LRRC4C: variants seen among roughly 807,000 people sequenced by gnomAD.
The protein encoded by LRRC4C is leucine rich repeat containing 4C.
A neutral mutation model predicts 33.6 loss-of-function variants in LRRC4C; 5 were observed. The ratio of observed to expected loss-of-function variants is 0.15; its 90% CI spans 0.08 to 0.31. The LOEUF (loss-of-function observed/expected upper bound fraction) is 0.31, where lower values mean the gene tolerates loss of function less well. LRRC4C is among the 10% of genes least tolerant of loss of function. The pLI is 1.00. For synonymous variants in LRRC4C, 329 were observed against 302.0 expected, an observed-to-expected ratio of 1.09 and a Z score of -0.93; for missense variants, 560 against 796.7, an observed-to-expected ratio of 0.70 and a Z score of 3.58.
chr11:40,990,843 A>AT (rs1274120434), intron 1 of LRRC4C, among the ~76,000 whole-genome samples: 6 of 152,040 alleles, frequency 3.9e-5, no homozygotes, highest in Admixed American at 1.3e-4. Flanking sequence ...TTGAATATAC[A>AT]TTTTTTTAAG....
intron 3 of LRRC4C, among the ~76,000 whole-genome samples, chr11:40,507,695 A>C (rs1955100068): frequency 6.6e-6 from 1 of 151,972 alleles, no homozygotes; most frequent in South Asian, 2.1e-4. Context: ...TGGCAACTAT[A>C]CTGGAGAAAA....
At chr11:40,502,932 A>C (rs568336230) in intron 3 of LRRC4C, among the ~76,000 whole-genome samples, 1 of 152,292 alleles carries the variant, frequency 6.6e-6, no homozygotes, top group African/African-American at 2.4e-5. Flanking sequence ...TGGCAAAGTG[A>C]ATATTAGAAA....
intron 5 of LRRC4C, among the ~76,000 whole-genome samples, chr11:40,182,681 A>G (rs1287612970): frequency 6.6e-6 from 1 of 152,138 alleles, no homozygotes; most frequent in Non-Finnish European, 1.5e-5. Flanking sequence ...ACACACAAAA[A>G]CCTACAAATA....
intron 4 of LRRC4C, among the ~76,000 whole-genome samples, chr11:40,303,771 T>A (rs1200388354): frequency 6.6e-6 from 1 of 152,176 alleles, no homozygotes; most frequent in Non-Finnish European, 1.5e-5. Flanking sequence ...ATAAAAAGTG[T>A]TAAACTCTGG....
chr11:41,258,828 T>C (rs1948885437), intron 1 of LRRC4C, among the ~76,000 whole-genome samples: 1 of 152,046 alleles, frequency 6.6e-6, no homozygotes, highest in Non-Finnish European at 1.5e-5. Flanking sequence ...GCCCTGATAT[T>C]AGACAATGTC....
intron 1 of LRRC4C, among the ~76,000 whole-genome samples, chr11:41,319,655 A>G (rs1950897586): frequency 6.6e-6 from 1 of 151,806 alleles, no homozygotes; most frequent in Non-Finnish European, 1.5e-5. Context: ...CAATCCTCCC[A>G]CCTCCCAGGG....
chr11:41,317,022 G>A (rs934755985), intron 1 of LRRC4C, among the ~76,000 whole-genome samples: 1 of 152,154 alleles, frequency 6.6e-6, no homozygotes, highest in Non-Finnish European at 1.5e-5. Flanking sequence ...TCCTGCAAAG[G>A]AGCCAACAGT....
At position 41,202,383 on chromosome 11, in the gene LRRC4C, A is replaced by C. The variant is rs553545656; in HGVS notation, c.-496+257048T>G. Among the ~76,000 whole-genome samples the C allele has an allele frequency of 5.3e-5, 8 of 152,312 alleles. No individual in the cohort carries two copies. In the South Asian group the frequency reaches 1.7e-3, roughly 32 times the overall value. Reference sequence around the variant, plus strand: ...AAAGGGGAGTTAATTCAGCTGCTCCATCCAAAGTTTAACCCCAAACCTGAA... The same window carrying C: ...AAAGGGGAGTTAATTCAGCTGCTCCCTCCAAAGTTTAACCCCAAACCTGAA... On this transcript the variant is annotated intron_variant, in intron 1 of 6. Coordinates refer to ENST00000528697, the MANE Select transcript of LRRC4C (RefSeq NM_001258419.2).
intron 5 of LRRC4C, among the ~76,000 whole-genome samples, chr11:40,240,740 C>T (rs1262815802): frequency 1.3e-5 from 2 of 151,992 alleles, no homozygotes; most frequent in African/African-American, 4.8e-5. Context: ...TTTAATTGGC[C>T]TTAGTCATTT....
chr11:40,856,378 T>C (rs1435182442), intron 2 of LRRC4C, among the ~76,000 whole-genome samples: 2 of 152,202 alleles, frequency 1.3e-5, no homozygotes, highest in Non-Finnish European at 2.9e-5. Context: ...TATAAAATGT[T>C]GTGGAAGTAC....
At chr11:41,105,456 T>G (rs1941439916) in intron 1 of LRRC4C, among the ~76,000 whole-genome samples, 1 of 152,008 alleles carries the variant, frequency 6.6e-6, no homozygotes, top group Non-Finnish European at 1.5e-5. Context: ...GTCTATAAGC[T>G]CTCCAAGAGC....
intron 3 of LRRC4C, among the ~76,000 whole-genome samples, chr11:40,342,621 C>T (rs1472553784): frequency 6.6e-6 from 1 of 152,068 alleles, no homozygotes; most frequent in Non-Finnish European, 1.5e-5. Context: ...AAAAATTATA[C>T]AACATAACTA....
chr11:40,749,835 C>T (rs924814746), intron 2 of LRRC4C, among the ~76,000 whole-genome samples: 6 of 151,842 alleles, frequency 4.0e-5, no homozygotes, highest in Non-Finnish European at 7.4e-5. Context: ...TACAGAAGAC[C>T]ATCAGAGACA....
chr11:41,392,910 G>T (rs986916213), intron 1 of LRRC4C, among the ~76,000 whole-genome samples: 2 of 151,820 alleles, frequency 1.3e-5, no homozygotes, highest in African/African-American at 4.8e-5. Flanking sequence ...CAAACTGTAG[G>T]AGAATAAATT....
At chr11:40,921,392 G>A (rs1459070230) in intron 2 of LRRC4C, among the ~76,000 whole-genome samples, 1 of 152,118 alleles carries the variant, frequency 6.6e-6, no homozygotes, top group Non-Finnish European at 1.5e-5. Context: ...TAGAAGCTGA[G>A]AATGACCTTC....
At chr11:40,367,805 T>C (rs561279107) in intron 3 of LRRC4C, among the ~76,000 whole-genome samples, 1 of 152,290 alleles carries the variant, frequency 6.6e-6, no homozygotes, top group East Asian at 1.9e-4. Context: ...AGTTATCTTC[T>C]AGCTTATTAT....
intron 1 of LRRC4C, among the ~76,000 whole-genome samples, chr11:41,181,099 C>G (rs1411144677): frequency 6.6e-6 from 1 of 152,108 alleles, no homozygotes; most frequent in African/African-American, 2.4e-5. Context: ...TTTTCTTATT[C>G]AGTGAGTGAA....
chr11:40,534,254 G>A (rs1435921769), intron 3 of LRRC4C, among the ~76,000 whole-genome samples: 1 of 151,878 alleles, frequency 6.6e-6, no homozygotes, highest in Non-Finnish European at 1.5e-5. Context: ...TGCTACCATT[G>A]TTACTATAAT....
chr11:40,937,646 G>T (rs1401115445), intron 1 of LRRC4C, among the ~76,000 whole-genome samples: 1 of 108,958 alleles, frequency 9.2e-6, no homozygotes, highest in African/African-American at 3.8e-5. Context: ...TGTGTGTGTA[G>T]GGTGGTTGTT....
Sources: gnomAD v4.1 joint callset for allele counts (sites outside exome capture counted in the v4.1 genomes callset) on GRCh38, gnomAD v4.1.1 for gene constraint, MANE v1.5 for transcripts, NCBI Gene and HGNC (gene_info 2026-07-23, HGNC 2026-07-21) for gene names.